PRELID2: variants seen among roughly 807,000 people sequenced by gnomAD.
PRELID2 encodes the protein PRELI domain-containing protein 2.
A neutral mutation model predicts 28.4 loss-of-function variants in PRELID2; 25 were observed. That is an observed-to-expected ratio of 0.88 (90% CI 0.64 to 1.23). The LOEUF is 1.23. Among genes scored for constraint, PRELID2 ranks in the 50% most tolerant of loss-of-function variants. The probability of loss-of-function intolerance (pLI) is 0.00; values close to 1 mark genes in which losing one functional copy is unlikely to be tolerated. For synonymous variants in PRELID2, 76 were observed against 71.6 expected, an observed-to-expected ratio of 1.06 and a Z score of -0.31; for missense variants, 201 against 214.4, an observed-to-expected ratio of 0.94 and a Z score of 0.39.
At chr5:145,529,109 TG>T (rs1278041285) in intron 1 of PRELID2, among the ~76,000 whole-genome samples, 1 of 152,194 alleles carries the variant, frequency 6.6e-6, no homozygotes, top group Non-Finnish European at 1.5e-5. Context: ...CAAATTAATT[TG>T]GCATATAATG....
chr5:145,776,344 T>C (rs1758408539), intron 5 of PRELID2, among the ~76,000 whole-genome samples: 1 of 152,198 alleles, frequency 6.6e-6, no homozygotes, highest in Non-Finnish European at 1.5e-5. Flanking sequence ...TTCAAGTAAC[T>C]CTTATTTTAC....
At chr5:145,462,970 T>C in the PRELID2 span, among the ~76,000 whole-genome samples, 1 of 152,208 alleles carries the variant, frequency 6.6e-6, no homozygotes, top group African/African-American at 2.4e-5. Flanking sequence ...TTCTGCTTCC[T>C]GCCAAACCCT....
intron 1 of PRELID2, among the ~76,000 whole-genome samples, chr5:145,554,438 T>A (rs1052755744): frequency 1.3e-5 from 2 of 152,186 alleles, no homozygotes; most frequent in Non-Finnish European, 2.9e-5. Flanking sequence ...GAATCATTTT[T>A]AAACCCAGAG....
chr5:145,268,691 T>G, the PRELID2 span, among the ~76,000 whole-genome samples: 1 of 152,108 alleles, frequency 6.6e-6, no homozygotes. Flanking sequence ...TAAGAGGTCC[T>G]AACCAGACAA....
At chr5:145,319,251 C>T in the PRELID2 span, among the ~76,000 whole-genome samples, 3 of 152,172 alleles carry the variant, frequency 2.0e-5, no homozygotes, top group East Asian at 3.9e-4. Context: ...TATCTCCCTG[C>T]TTCCTGTCCA....
chr5:145,532,691 C>T (rs1214209042), intron 1 of PRELID2, among the ~76,000 whole-genome samples: 1 of 151,988 alleles, frequency 6.6e-6, no homozygotes, highest in African/African-American at 2.4e-5. Context: ...TTTTAGATTC[C>T]ACATACAAGT....
chr5:145,260,782 C>G, the PRELID2 span, among the ~76,000 whole-genome samples: 4 of 152,182 alleles, frequency 2.6e-5, no homozygotes, highest in African/African-American at 7.2e-5. Flanking sequence ...AGAATTACTG[C>G]AGGAACATAC....
chr5:145,537,249 G>A (rs1049055896), intron 1 of PRELID2, among the ~76,000 whole-genome samples: 1 of 151,744 alleles, frequency 6.6e-6, no homozygotes, highest in Non-Finnish European at 1.5e-5. Flanking sequence ...ATGAAGAAAG[G>A]GAACCAAAAA....
chr5:145,451,364 T>A, the PRELID2 span, among the ~76,000 whole-genome samples: 3 of 152,236 alleles, frequency 2.0e-5, no homozygotes, highest in Non-Finnish European at 4.4e-5. Context: ...AAAGGTTGTC[T>A]GACTGCTTCA....
chr5:145,432,430 T>TA, the PRELID2 span, among the ~76,000 whole-genome samples: 60,909 of 133,324 alleles, frequency 0.46, 13,734 homozygotes, highest in Admixed American at 0.5. Flanking sequence ...CTCAAGTTGT[T>TA]AAAAAAAAAA....
the PRELID2 span, among the ~76,000 whole-genome samples, chr5:145,326,985 C>T: frequency 5.3e-5 from 1 of 18,914 alleles, no homozygotes; most frequent in Non-Finnish European, 1.1e-4. Context: ...CAGTCACAAA[C>T]GCCTCCCAAA....
intron 4 of PRELID2, among the ~76,000 whole-genome samples, chr5:145,805,714 C>T (rs779527163): frequency 6.6e-6 from 1 of 152,146 alleles, no homozygotes; most frequent in Non-Finnish European, 1.5e-5. Flanking sequence ...ACAACTTCAT[C>T]GTTGTGCAAA....
At chr5:145,708,142 C>T (rs771208519) in intron 1 of PRELID2, among the ~76,000 whole-genome samples, 1 of 152,026 alleles carries the variant, frequency 6.6e-6, no homozygotes, top group Non-Finnish European at 1.5e-5. Flanking sequence ...AGAGAACAGG[C>T]CCGCTCTTCC....
At chr5:145,439,260 A>T in the PRELID2 span, among the ~76,000 whole-genome samples, 48 of 152,182 alleles carry the variant, frequency 3.2e-4, 1 homozygote, top group Middle Eastern at 3.4e-3. Context: ...TTCAGGTAAC[A>T]TTCTGATTTC....
At chr5:145,696,520 G>T (rs966163257) in intron 1 of PRELID2, among the ~76,000 whole-genome samples, 1 of 152,106 alleles carries the variant, frequency 6.6e-6, no homozygotes, top group African/African-American at 2.4e-5. Flanking sequence ...AGGCTGTAGT[G>T]CAGTGATCTC....
chr5:145,283,621 A>T, the PRELID2 span, among the ~76,000 whole-genome samples: 1 of 152,308 alleles, frequency 6.6e-6, no homozygotes, highest in African/African-American at 2.4e-5. Flanking sequence ...ATTAGAAGGA[A>T]GTCTGATTTA....
rs547922892 is a variant in PRELID2, at chr5:145,623,616, AATAG to A, written n.70+141311_70+141314del. 2.6e-5 allele frequency among the ~76,000 whole-genome samples: 4 copies of A among 152,088 alleles called. No individual in the cohort carries two copies. The South Asian group carries it at 6.2e-4, about 24-fold the overall frequency. ...CTTGAGATAGACAGACAGATAGATAAATAGATAGGTAGGTAGATAGGTAGGTAGG... is the reference window on the plus strand; with the variant it reads ...CTTGAGATAGACAGACAGATAGATAAATAGGTAGGTAGATAGGTAGGTAGG... On this transcript the variant is annotated intron_variant and non_coding_transcript_variant, in intron 1 of 2. Coordinates refer to the PRELID2 transcript ENST00000510259.
At chr5:145,744,896 G>C (rs958495863) in intron 1 of PRELID2, among the ~76,000 whole-genome samples, 9 of 151,934 alleles carry the variant, frequency 5.9e-5, no homozygotes, top group African/African-American at 2.2e-4. Flanking sequence ...TCAAAAAATG[G>C]GTAAGAAAAA....
intron 1 of PRELID2, among the ~76,000 whole-genome samples, chr5:145,829,415 T>C (rs1755435618): frequency 6.6e-6 from 1 of 152,200 alleles, no homozygotes; most frequent in Non-Finnish European, 1.5e-5. Flanking sequence ...ATGAAATAAA[T>C]GCAACAAATT....
Sources: allele counts gnomAD v4.1 joint callset (sites outside exome capture counted in the v4.1 genomes callset), GRCh38; gene constraint gnomAD v4.1.1; transcripts MANE v1.5; gene names NCBI Gene and HGNC (gene_info 2026-07-23, HGNC 2026-07-21).